SPON1: variants seen among roughly 807,000 people sequenced by gnomAD.
The protein encoded by SPON1 is spondin 1.
A neutral mutation model predicts 111.7 loss-of-function variants in SPON1; 52 were observed. The ratio of observed to expected loss-of-function variants is 0.47; its 90% CI spans 0.37 to 0.59. SPON1 has a LOEUF of 0.59. Ranked by LOEUF, SPON1 falls within the 20% of genes least tolerant of loss-of-function variation. SPON1 has a pLI of 0.00. For missense variants in SPON1, 957 were observed against 1,068.5 expected, an observed-to-expected ratio of 0.90 and a Z score of 1.46; for synonymous variants, 410 against 395.8, an observed-to-expected ratio of 1.04 and a Z score of -0.43.
intron 5 of SPON1, among the ~76,000 whole-genome samples, chr11:14,101,426 TAATAA>T (rs1849143449): frequency 1.3e-5 from 2 of 151,780 alleles, no homozygotes; most frequent in African/African-American, 4.8e-5. Context: ...TTAAAAATAA[TAATAA>T]AATAATAAAA....
chr11:13,990,942 C>G (rs782142508), intron 2 of SPON1, among the ~76,000 whole-genome samples: 4 of 152,218 alleles, frequency 2.6e-5, no homozygotes, highest in Non-Finnish European at 5.9e-5. Flanking sequence ...GAGAGATCTG[C>G]TATTAGTCTG....
At chr11:14,227,634 A>T (rs140782435) in intron 6 of SPON1, among the ~76,000 whole-genome samples, 2 of 152,330 alleles carry the variant, frequency 1.3e-5, no homozygotes, top group East Asian at 3.9e-4. Flanking sequence ...TTTATTGAGC[A>T]CTTAATATGT....
At chr11:14,081,275 C>CA (rs750052540) in intron 5 of SPON1, among the ~76,000 whole-genome samples, 3 of 151,580 alleles carry the variant, frequency 2.0e-5, no homozygotes, top group African/African-American at 7.3e-5. Context: ...TAATACTGAA[C>CA]AAAAAAAAGA....
At chr11:14,243,283 C>G in intron 6 of SPON1, 49 bp from the exon 7 acceptor site, 14 of 1,523,302 alleles carry the variant, frequency 9.2e-6, no homozygotes, top group Non-Finnish European at 1.2e-5. Context: ...CCCTATTGTT[C>G]CCATGAGCCC....
chr11:14,203,223 T>C (rs1281658587), intron 6 of SPON1, among the ~76,000 whole-genome samples: 2 of 152,204 alleles, frequency 1.3e-5, no homozygotes, highest in African/African-American at 4.8e-5. Flanking sequence ...AGACCATGTT[T>C]CTATTTTATG....
chr11:14,248,902 C>T (rs963812133), intron 7 of SPON1, among the ~76,000 whole-genome samples: 4 of 152,118 alleles, frequency 2.6e-5, no homozygotes, highest in East Asian at 1.9e-4. Flanking sequence ...GCTGTGGCTC[C>T]GACAGCCCAG....
chr11:14,224,649 C>G, intron 6 of SPON1: 1 of 343,836 alleles, frequency 2.9e-6, no homozygotes, highest in Admixed American at 2.8e-5. Context: ...ACTCTCATAT[C>G]TAGCATAGAG....
intron 7 of SPON1, among the ~76,000 whole-genome samples, chr11:14,245,062 CA>C (rs1282364392): frequency 2.0e-5 from 3 of 152,320 alleles, no homozygotes; most frequent in Non-Finnish European, 4.4e-5. Flanking sequence ...CATCCATTAA[CA>C]CCCGTATTGA....
chr11:14,004,051 G>A (rs1848340242), intron 2 of SPON1, among the ~76,000 whole-genome samples: 1 of 151,600 alleles, frequency 6.6e-6, no homozygotes, highest in Admixed American at 6.6e-5. Flanking sequence ...TTCTCTTTCT[G>A]GCTTACTTCA....
chr11:14,125,131 A>G (rs1847439335), intron 5 of SPON1, among the ~76,000 whole-genome samples: 1 of 152,228 alleles, frequency 6.6e-6, no homozygotes, highest in African/African-American at 2.4e-5. Flanking sequence ...GACAAGTACA[A>G]GCTGTGTCCT....
At position 14,111,243 on chromosome 11, in the gene SPON1, C is replaced by T. The variant is rs184599332; in HGVS notation, c.677-24177C>T. Among the ~76,000 whole-genome samples the T allele has an allele frequency of 4.4e-3, 673 of 152,276 alleles. 6 individuals carry two copies. The highest frequency in any genetic ancestry group is 0.015 in the African/African-American group (620 of 41,552). The stretch of plus-strand genomic sequence containing the variant: ...CACATATATTAGAAATAACACGGGA[C>T]AAACTCTCTATATGATGAACACATC... On this transcript the variant is annotated intron_variant, in intron 5 of 15. Transcript: ENST00000576479.
At chr11:13,979,805 T>C (rs1554909391) in intron 1 of SPON1, among the ~76,000 whole-genome samples, 1 of 152,126 alleles carries the variant, frequency 6.6e-6, no homozygotes, top group East Asian at 1.9e-4. Context: ...CTGGATGAAG[T>C]ATCCTTAGTG....
intron 5 of SPON1, among the ~76,000 whole-genome samples, chr11:14,086,781 T>G (rs979220618): frequency 7.2e-5 from 11 of 152,132 alleles, no homozygotes; most frequent in African/African-American, 2.4e-4. Context: ...GGTCCTGGGC[T>G]TTTTTTGGTT....
chr11:14,044,145 GCCT>G (rs1848651709), intron 3 of SPON1, among the ~76,000 whole-genome samples: 1 of 82,190 alleles, frequency 1.2e-5, no homozygotes, highest in Non-Finnish European at 3.3e-5. Context: ...TCCATGTTCT[GCCT>G]TTCTTTTATT....
At chr11:14,235,896 G>C (rs782281700) in intron 6 of SPON1, among the ~76,000 whole-genome samples, 18 of 152,122 alleles carry the variant, frequency 1.2e-4, no homozygotes, top group Non-Finnish European at 2.2e-4. Context: ...TGGTATCTGG[G>C]AGAACAGCAT....
rs142362043 is a variant in SPON1 at position 13,986,287 on chromosome 11, A to G, written c.345+3334A>G. On this transcript the variant is annotated intron_variant, in intron 2 of 15. Transcript: ENST00000576479. Reference sequence around the variant, plus strand: ...ATATATATATATAGTGATTTAACAAATAGATAAAGACTTCTGTTTAACACC... The same window carrying G: ...ATATATATATATAGTGATTTAACAAGTAGATAAAGACTTCTGTTTAACACC... Among the ~76,000 whole-genome samples, 8 of 152,354 alleles carry G rather than the reference A, an allele frequency of 5.3e-5. No homozygotes were observed. In the East Asian group the frequency reaches 7.7e-4, roughly 15 times the overall value.
chr11:14,149,368 C>T (rs1214249647), intron 6 of SPON1, among the ~76,000 whole-genome samples: 2 of 152,078 alleles, frequency 1.3e-5, no homozygotes, highest in East Asian at 1.9e-4. Flanking sequence ...AGAATGAAAA[C>T]ATTCTTGTAC....
chr11:14,123,769 A>G (rs146317541), intron 5 of SPON1, among the ~76,000 whole-genome samples: 36 of 152,332 alleles, frequency 2.4e-4, no homozygotes, highest in South Asian at 1.2e-3. Context: ...CAGCTCAGAC[A>G]GTTTACCATG....
chr11:14,068,748 A>C (rs1848852536), intron 3 of SPON1, among the ~76,000 whole-genome samples: 1 of 152,190 alleles, frequency 6.6e-6, no homozygotes, highest in Non-Finnish European at 1.5e-5. Context: ...CTCCAGCCAG[A>C]AATGGCCACC....
Sources: allele counts gnomAD v4.1 joint callset (sites outside exome capture counted in the v4.1 genomes callset), GRCh38; gene constraint gnomAD v4.1.1; transcripts MANE v1.5; gene names NCBI Gene and HGNC (gene_info 2026-07-23, HGNC 2026-07-21).